The following CLMP variants were observed in gnomAD, a reference collection of about 807,000 sequenced individuals.
The protein encoded by CLMP is CXADR like cell adhesion molecule, also known as CXADR-like membrane protein.
A neutral mutation model predicts 45.2 loss-of-function variants in CLMP; 27 were observed. That is an observed-to-expected ratio of 0.60 (90% CI 0.44 to 0.82). The LOEUF is 0.82. CLMP is among the 40% of genes least tolerant of loss of function. The pLI, the probability that CLMP is intolerant of heterozygous loss-of-function variation, is 0.00. For missense variants in CLMP, 403 were observed against 448.4 expected (o/e 0.90, Z 0.91); for synonymous variants, 167 against 171.4 (o/e 0.97, Z 0.20).
At chr11:123,178,709 T>C (rs1174003677) in intron 1 of CLMP, among the ~76,000 whole-genome samples, 1 of 152,134 alleles carries the variant, frequency 6.6e-6, no homozygotes, top group African/African-American at 2.4e-5. Flanking sequence ...GAGATGCAAA[T>C]GAAAGGACTC....
rs764915660 is a variant in CLMP at position 123,194,923 on chromosome 11, GAGA to G, written c.15_17del (p.Leu9del). On this transcript the variant is annotated inframe_deletion, in exon 1 of 7. Transcript: ENST00000448775. ...CCCAGAGGCACTCACCTAGCAAGAG[GAGA>G]AGGAGGAGGGACATCCCGATCCCCG... The G allele has an allele frequency of 7.9e-5, 128 of 1,613,400 alleles. No homozygotes were observed. In the South Asian group the frequency reaches 1.3e-3, roughly 16 times the overall value.
chr11:123,193,810 C>T lies in CLMP; in HGVS notation c.28+1103G>A, dbSNP rs186213810. Among the ~76,000 whole-genome samples the T allele has an allele frequency of 7.1e-4, 108 of 152,192 alleles. 1 individual carries two copies. Among genetic ancestry groups the T allele is most frequent in the Middle Eastern group, 3.4e-3 (1 of 294 alleles). On this transcript the variant is annotated intron_variant, in intron 1 of 6. Transcript: ENST00000448775. ...AGTATTCTCTTTCCAGAGCTAAAGA[C>T]GTGGAAGCCCTGGATAAGGAGTAAG...
At chr11:123,093,903 A>G (rs1865961759) in intron 2 of CLMP, among the ~76,000 whole-genome samples, 1 of 152,152 alleles carries the variant, frequency 6.6e-6, no homozygotes, top group African/African-American at 2.4e-5. Context: ...CTGCTGTGCC[A>G]TCGCCTGCAG....
intron 1 of CLMP, among the ~76,000 whole-genome samples, chr11:123,183,240 T>C (rs1016362997): frequency 2.0e-5 from 3 of 151,782 alleles, no homozygotes; most frequent in Non-Finnish European, 2.9e-5. Context: ...TTTGCTGTTG[T>C]TTGTTTGTTT....
At chr11:123,082,394 C>G (rs1228946460) in intron 5 of CLMP, among the ~76,000 whole-genome samples, 1 of 152,140 alleles carries the variant, frequency 6.6e-6, no homozygotes, top group African/African-American at 2.4e-5. Context: ...CTGCAACCTC[C>G]GTGTCTCAGG....
chr11:123,166,750 G>A (rs1861562593), intron 1 of CLMP, among the ~76,000 whole-genome samples: 1 of 152,126 alleles, frequency 6.6e-6, no homozygotes, highest in South Asian at 2.1e-4. Context: ...ACAGTGTATT[G>A]TATATTTCAA....
intron 1 of CLMP, among the ~76,000 whole-genome samples, chr11:123,127,402 G>A (rs1213461661): frequency 2.6e-5 from 4 of 152,286 alleles, no homozygotes; most frequent in East Asian, 1.9e-4. Flanking sequence ...GATTACAGGC[G>A]TGAGCCACAG....
intron 1 of CLMP, among the ~76,000 whole-genome samples, chr11:123,160,054 G>A (rs1047113995): frequency 6.6e-6 from 1 of 152,076 alleles, no homozygotes; most frequent in Non-Finnish European, 1.5e-5. Context: ...TGAGGCGGGA[G>A]GATCACCGGA....
At chr11:123,130,841 C>CT (rs11322192) in intron 1 of CLMP, among the ~76,000 whole-genome samples, 4,772 of 126,280 alleles carry the variant, frequency 0.038, 124 homozygotes, top group Non-Finnish European at 0.049. Context: ...TTTTCTTTTC[C>CT]TTTTTTTTTT....
intron 1 of CLMP, among the ~76,000 whole-genome samples, chr11:123,123,057 C>A (rs916389555): frequency 2.0e-5 from 3 of 151,868 alleles, no homozygotes; most frequent in Non-Finnish European, 4.4e-5. Context: ...GACACCGAGG[C>A]CTTCTTAGGA....
chr11:123,118,183 G>A (rs1404423185), intron 1 of CLMP, among the ~76,000 whole-genome samples: 2 of 152,102 alleles, frequency 1.3e-5, no homozygotes, highest in African/African-American at 4.8e-5. Context: ...AGGCTGGAGT[G>A]CAGTAGCACA....
At chr11:123,097,730 G>T in intron 2 of CLMP, 65 bp downstream of exon 2, 1 of 1,275,642 alleles carries the variant, frequency 7.8e-7, no homozygotes, top group Non-Finnish European at 1.1e-6. Flanking sequence ...AAGACTGGAA[G>T]ACTGAAGAAA....
intron 1 of CLMP, among the ~76,000 whole-genome samples, chr11:123,135,259 C>CAA (rs529613516): frequency 7.2e-4 from 64 of 89,066 alleles, no homozygotes; most frequent in Middle Eastern, 7.1e-3. Flanking sequence ...GACTCCGTCT[C>CAA]AAAAAAAAAA....
chr11:123,141,085 A>C (rs1004074878), intron 1 of CLMP, among the ~76,000 whole-genome samples: 12 of 149,280 alleles, frequency 8.0e-5, no homozygotes, highest in Non-Finnish European at 1.5e-4. Context: ...TTAGAAGCAG[A>C]TGCCTAGCAC....
intron 1 of CLMP, among the ~76,000 whole-genome samples, chr11:123,107,399 T>G (rs540451617): frequency 1.4e-3 from 205 of 151,826 alleles, no homozygotes; most frequent in African/African-American, 4.9e-3. Flanking sequence ...TCTGGCAAAT[T>G]TTCGTATTTT....
intron 1 of CLMP, among the ~76,000 whole-genome samples, chr11:123,152,428 C>A (rs558171019): frequency 6.6e-6 from 1 of 152,004 alleles, no homozygotes; most frequent in African/African-American, 2.4e-5. Context: ...GAGGCTGAGG[C>A]AGGAGAATCA....
intron 1 of CLMP, among the ~76,000 whole-genome samples, chr11:123,102,473 G>A (rs1591458096): frequency 2.0e-5 from 3 of 151,058 alleles, no homozygotes; most frequent in East Asian, 2.0e-4. Context: ...TAGAGACAGG[G>A]TTTCACCACG....
At chr11:123,092,484 G>A (rs988680903) in intron 2 of CLMP, among the ~76,000 whole-genome samples, 1 of 152,046 alleles carries the variant, frequency 6.6e-6, no homozygotes, top group East Asian at 1.9e-4. Flanking sequence ...TTTTAGTAGA[G>A]ACTGGGTGTC....
intron 1 of CLMP, among the ~76,000 whole-genome samples, chr11:123,129,463 CAT>C (rs1190840773): frequency 2.4e-5 from 3 of 125,576 alleles, no homozygotes; most frequent in Non-Finnish European, 4.9e-5. Context: ...TAAAATATAT[CAT>C]ATGATATATT....
Sources: allele counts gnomAD v4.1 joint callset (sites outside exome capture counted in the v4.1 genomes callset), GRCh38; gene constraint gnomAD v4.1.1; transcripts MANE v1.5; gene names NCBI Gene and HGNC (gene_info 2026-07-23, HGNC 2026-07-21).